PHF21A: variants seen among roughly 807,000 people sequenced by gnomAD.
The protein encoded by PHF21A is BHC80a.
Under a neutral mutation model 82.5 loss-of-function variants are expected in PHF21A, and 11 were observed. The observed-to-expected ratio is 0.13, with a 90% CI of 0.08 to 0.22. The LOEUF (loss-of-function observed/expected upper bound fraction) is 0.22, where lower values mean the gene tolerates loss of function less well. PHF21A is among the 10% of genes least tolerant of loss of function. PHF21A has a pLI of 1.00. For missense variants in PHF21A, 579 were observed against 837.8 expected (o/e 0.69, Z 3.81); for synonymous variants, 297 against 302.8 (o/e 0.98, Z 0.20).
At chr11:46,100,916 C>A (rs1356954239) in intron 1 of PHF21A, among the ~76,000 whole-genome samples, 1 of 152,170 alleles carries the variant, frequency 6.6e-6, no homozygotes. Flanking sequence ...TCAAAAGTCC[C>A]TCCTTGACAA....
intron 6 of PHF21A, among the ~76,000 whole-genome samples, chr11:46,038,952 CT>C (rs746881137): frequency 6.6e-6 from 1 of 152,076 alleles, no homozygotes; most frequent in African/African-American, 2.4e-5. Context: ...TATCAAAGAG[CT>C]TTCCAAGCAG....
chr11:46,047,762 G>A (rs1398979912), intron 6 of PHF21A, among the ~76,000 whole-genome samples: 3 of 152,106 alleles, frequency 2.0e-5, no homozygotes, highest in African/African-American at 7.2e-5. Flanking sequence ...TTTTCTTTGT[G>A]TCAATTTCAT....
rs2136288063 is a variant in PHF21A at position 45,979,930 on chromosome 11, C to T, written c.190G>A (p.Val64Ile). Reference sequence around the variant, plus strand: ...AACTTGTCCGGTTGTTCTTGCTTTACTATCAGGTTCTTCCGTAGCTGTTCA... The same window carrying T: ...AACTTGTCCGGTTGTTCTTGCTTTATTATCAGGTTCTTCCGTAGCTGTTCA... The part of the protein sequence containing the change: ...VVEQLRKNLI[V>I]KQEQPDKFQI... Residue 64 changes from valine (V) to isoleucine (I), a missense_variant, in exon 7 of 19, where the codon GTA becomes ATA. Transcript: ENST00000676320. 1.9e-6 allele frequency: 3 copies of T among 1,614,178 alleles called. No homozygotes were observed. Among genetic ancestry groups the T allele is most frequent in the African/African-American group, 1.3e-5 (1 of 75,050 alleles).
intron 6 of PHF21A, among the ~76,000 whole-genome samples, chr11:46,037,230 G>A (rs949240155): frequency 1.3e-5 from 2 of 152,144 alleles, no homozygotes; most frequent in African/African-American, 4.8e-5. Context: ...TATATTTTGT[G>A]AGTCCAAATA....
intron 1 of PHF21A, among the ~76,000 whole-genome samples, chr11:46,112,312 G>C (rs1313023041): frequency 6.6e-6 from 1 of 152,058 alleles, no homozygotes; most frequent in Non-Finnish European, 1.5e-5. Flanking sequence ...TAAAAAGAGA[G>C]GAAAAAAATG....
intron 6 of PHF21A, among the ~76,000 whole-genome samples, chr11:46,056,928 AT>A (rs1270880687): frequency 6.6e-6 from 1 of 152,056 alleles, no homozygotes. Flanking sequence ...TTGCTTATCT[AT>A]TTTTAAAACT....
chr11:46,038,842 G>A (rs916801006), intron 6 of PHF21A, among the ~76,000 whole-genome samples: 5 of 152,152 alleles, frequency 3.3e-5, no homozygotes, highest in African/African-American at 1.2e-4. Flanking sequence ...GAGCCCTTAT[G>A]ATCCAATCAC....
intron 16 of PHF21A, among the ~76,000 whole-genome samples, chr11:45,937,727 C>T (rs1236902155): frequency 5.3e-5 from 8 of 152,174 alleles, no homozygotes; most frequent in African/African-American, 1.9e-4. Flanking sequence ...GTGACCTGCC[C>T]GCCTTGGCCT....
At chr11:45,994,421 C>T (rs986740794) in intron 6 of PHF21A, among the ~76,000 whole-genome samples, 5 of 152,164 alleles carry the variant, frequency 3.3e-5, no homozygotes, top group Admixed American at 6.5e-5. Flanking sequence ...ACAAACCACA[C>T]AGAGAGGTTT....
intron 6 of PHF21A, among the ~76,000 whole-genome samples, chr11:46,031,507 A>T (rs982382460): frequency 2.0e-5 from 3 of 152,184 alleles, no homozygotes; most frequent in Non-Finnish European, 4.4e-5. Context: ...AGTACACAGG[A>T]CCCATGAGGT....
intron 18 of PHF21A, 158 bp from the exon 19 acceptor site, chr11:45,934,383 C>T (rs556291726): frequency 3.7e-5 from 25 of 670,684 alleles, no homozygotes; most frequent in East Asian, 2.5e-4. Flanking sequence ...GTGGAGTGGG[C>T]GGCTACCACC....
chr11:45,935,045 G>A, intron 18 of PHF21A: 2 of 1,140,758 alleles, frequency 1.8e-6, no homozygotes, highest in Admixed American at 2.3e-5. Flanking sequence ...CTCCTTGCCT[G>A]GGAGAAGCCT....
chr11:46,003,220 A>C lies in PHF21A; in HGVS notation c.154-23254T>G, dbSNP rs555398482. On this transcript the variant is annotated intron_variant, in intron 6 of 18. Coordinates refer to ENST00000676320, the MANE Select transcript of PHF21A (RefSeq NM_001352027.3). ...CTGTATATGAGAGTGCCACTAAAAAAAGTCCTAAAAACTTTGTGCATATAG... is the reference window on the plus strand; with the variant it reads ...CTGTATATGAGAGTGCCACTAAAAACAGTCCTAAAAACTTTGTGCATATAG... 5.9e-5 allele frequency among the ~76,000 whole-genome samples: 9 copies of C among 152,180 alleles called. No individual in the cohort carries two copies. In the East Asian group the frequency reaches 1.7e-3, roughly 29 times the overall value.
At chr11:45,962,247 G>C (rs891535520) in intron 10 of PHF21A, among the ~76,000 whole-genome samples, 3 of 152,302 alleles carry the variant, frequency 2.0e-5, no homozygotes, top group South Asian at 4.1e-4. Flanking sequence ...GGGAATAGCA[G>C]AAAGCAAAAG....
intron 6 of PHF21A, chr11:46,049,384 C>T (rs61882549): frequency 0.021 from 9,675 of 453,032 alleles, 169 homozygotes; most frequent in Non-Finnish European, 0.031. Flanking sequence ...AGGTTGAACC[C>T]GGCCCAAATA....
intron 6 of PHF21A, among the ~76,000 whole-genome samples, chr11:45,983,091 C>T (rs946089586): frequency 7.9e-5 from 12 of 151,912 alleles, no homozygotes; most frequent in Admixed American, 6.6e-4. Flanking sequence ...GCAAGGGATG[C>T]GGGCTAGAGT....
chr11:46,004,013 T>C (rs2095226257), intron 6 of PHF21A, among the ~76,000 whole-genome samples: 1 of 152,226 alleles, frequency 6.6e-6, no homozygotes, highest in South Asian at 2.1e-4. Flanking sequence ...CTGTAAGTGA[T>C]ATTTTTAGAA....
chr11:45,982,070 C>T (rs1361893338), intron 6 of PHF21A, among the ~76,000 whole-genome samples: 1 of 151,236 alleles, frequency 6.6e-6, no homozygotes, highest in Non-Finnish European at 1.5e-5. Context: ...GATCCTGTCA[C>T]CTCAACCTAC....
intron 6 of PHF21A, among the ~76,000 whole-genome samples, chr11:46,047,139 A>G (rs939651796): frequency 6.6e-6 from 1 of 152,350 alleles, no homozygotes; most frequent in Middle Eastern, 3.4e-3. Flanking sequence ...TTGGTAGAGT[A>G]TGGACCCAGT....
Sources: allele counts gnomAD v4.1 joint callset (sites outside exome capture counted in the v4.1 genomes callset), GRCh38; gene constraint gnomAD v4.1.1; transcripts MANE v1.5; gene names NCBI Gene and HGNC (gene_info 2026-07-23, HGNC 2026-07-21).